The following ABCC2 variants were observed in gnomAD, a reference collection of about 807,000 sequenced individuals.
ABCC2 encodes ATP-binding cassette sub-family C member 2.
Under a neutral mutation model 173.4 loss-of-function variants are expected in ABCC2, and 157 were observed. The observed-to-expected ratio is 0.91, with a 90% confidence interval of 0.80 to 1.03. ABCC2 has a LOEUF of 1.03. ABCC2 is among the 50% of genes least tolerant of loss of function. The pLI, the probability that ABCC2 is intolerant of heterozygous loss-of-function variation, is 0.00. For missense variants in ABCC2, 1,822 were observed against 1,852.3 expected (o/e 0.98, Z 0.30); for synonymous variants, 657 against 693.5 (o/e 0.95, Z 0.83).
chr10:99,830,819 C>T lies in ABCC2; in HGVS notation c.2851C>T (p.Leu951=). The change falls in exon 21 of 32, where the codon CTA becomes TTA. Residue 951 remains leucine (L), a synonymous_variant. Coordinates refer to ENST00000647814, the MANE Select transcript of ABCC2 (RefSeq NM_000392.5). The stretch of plus-strand genomic sequence containing the variant: ...CGAAGAACTAGTGAAAGGACAAAAA[C>T]TAATTAAGAAGGAATTCATAGAAAC... The part of the protein sequence containing the change: ...EDEELVKGQK[L]IKKEFIETGK... 1 of 1,614,024 alleles carries T rather than the reference C, an allele frequency of 6.2e-7. No homozygotes were observed. The highest frequency in any genetic ancestry group is 8.5e-7 in the Non-Finnish European group (1 of 1,179,996).
intron 16 of ABCC2, among the ~76,000 whole-genome samples, chr10:99,815,812 A>G (rs2038397794): frequency 6.6e-6 from 1 of 152,168 alleles, no homozygotes; most frequent in Non-Finnish European, 1.5e-5. Context: ...GCAATCACTA[A>G]TGAACTAATC....
At chr10:99,845,196 AT>A (rs994717569) in intron 28 of ABCC2, among the ~76,000 whole-genome samples, 2 of 151,518 alleles carry the variant, frequency 1.3e-5, no homozygotes. Flanking sequence ...TGTCTGGCTA[AT>A]TTTTTTTGTA....
Position 99,814,345 on chromosome 10 carries a change from A to G in ABCC2, c.2094+1201A>G, listed in dbSNP as rs1288852934. ...CGTATGTATACACACATGTATATAT[A>G]CACACGTATGTATACACACATGTAT... On this transcript the variant is annotated intron_variant, in intron 16 of 31. Coordinates refer to ENST00000647814, the MANE Select transcript of ABCC2 (RefSeq NM_000392.5). Among the ~76,000 whole-genome samples the G allele has an allele frequency of 6.6e-5, 9 of 136,122 alleles. 1 individual carries two copies. The highest frequency in any genetic ancestry group is 2.1e-4 in the African/African-American group (8 of 37,542). The allele number at this position is 136,122 out of a possible 152,430, so 89.3% of individuals were successfully genotyped here.
At chr10:99,804,364 G>A in intron 10 of ABCC2, 91 bp downstream of exon 10, 2 of 1,546,120 alleles carry the variant, frequency 1.3e-6, no homozygotes, top group Non-Finnish European at 1.8e-6. Context: ...GGGAGTTTGG[G>A]CAAGGCAAAG....
chr10:99,817,754 G>A (rs1356735728), intron 17 of ABCC2, among the ~76,000 whole-genome samples: 4 of 152,220 alleles, frequency 2.6e-5, no homozygotes, highest in Non-Finnish European at 5.9e-5. Context: ...GAAGTTAACA[G>A]TGACTGGCCC....
intron 1 of ABCC2, among the ~76,000 whole-genome samples, chr10:99,783,187 T>G (rs894030158): frequency 2.0e-5 from 3 of 152,148 alleles, no homozygotes; most frequent in Admixed American, 6.5e-5. Flanking sequence ...GAAGGAGAAT[T>G]GTTGTTGCAT....
intron 9 of ABCC2, 81 bp from the exon 10 acceptor site, chr10:99,803,938 T>C (rs1251812203): frequency 1.9e-6 from 3 of 1,577,830 alleles, no homozygotes; most frequent in Non-Finnish European, 1.7e-6. Flanking sequence ...TCCATTGTAA[T>C]CTCACTTCCT....
rs143990242 is a variant in ABCC2, at chr10:99,844,366, C to G, written c.3888C>G (p.Ser1296Arg). 6.9e-5 allele frequency: 112 copies of G among 1,614,088 alleles called. No individual in the cohort carries two copies. Among genetic ancestry groups the G allele is most frequent in the African/African-American group, 1.5e-4 (11 of 74,910 alleles). Residue 1296 changes from serine to arginine, a missense_variant, in exon 28 of 32, where the codon AGC becomes AGG. Ser to Arg is a moderately radical substitution (Grantham distance 110, BLOSUM62 -1). Coordinates refer to ENST00000647814, the MANE Select transcript of ABCC2 (RefSeq NM_000392.5). ...TDKRPPPDWP[S>R]KGKIQFNNYQ... ...AGAGGCCTCCGCCAGATTGGCCCAG[C>G]AAAGGCAAGATCCAGTTTAACAACT...
At chr10:99,815,513 T>A (rs976028414) in intron 16 of ABCC2, among the ~76,000 whole-genome samples, 2 of 152,006 alleles carry the variant, frequency 1.3e-5, no homozygotes, top group African/African-American at 4.8e-5. Context: ...CTTTTTTTTT[T>A]AACGGAGGAA....
intron 19 of ABCC2, among the ~76,000 whole-genome samples, chr10:99,824,799 A>G (rs1304265148): frequency 2.6e-5 from 4 of 151,334 alleles, no homozygotes; most frequent in Admixed American, 2.0e-4. Context: ...GTCAGTTAAC[A>G]TACGCCATTT....
intron 1 of ABCC2, among the ~76,000 whole-genome samples, 170 bp from the exon 2 acceptor site, chr10:99,784,438 T>C (rs139495892): frequency 1.3e-5 from 2 of 152,314 alleles, no homozygotes; most frequent in East Asian, 3.9e-4. Context: ...CATTAAATGG[T>C]GAATTTGTAT....
At position 99,843,785 on chromosome 10, in the gene ABCC2, T is replaced by C. The variant is rs1321574421; in HGVS notation, c.3742-14T>C. On this transcript the variant is annotated splice_polypyrimidine_tract_variant and intron_variant, in intron 26 of 31. Transcript: ENST00000647814. ...GTGCCTATGATGATTTTCAGTCTTC[T>C]GGTTTTTCTGTAGATCACACAAACC... 6.2e-7 allele frequency: 1 copy of C among 1,609,362 alleles called. No individual in the cohort carries two copies. Among genetic ancestry groups the C allele is most frequent in the African/African-American group, 1.3e-5 (1 of 74,846 alleles).
chr10:99,814,140 TACAC>T (rs1289139110), intron 16 of ABCC2, among the ~76,000 whole-genome samples: 1 of 70,582 alleles, frequency 1.4e-5, no homozygotes, highest in Non-Finnish European at 2.9e-5. Flanking sequence ...TGTGTATATA[TACAC>T]ACATGTATGT....
chr10:99,830,917 T>C (rs2038727736), intron 21 of ABCC2, 66 bp downstream of exon 21: 1 of 1,590,996 alleles, frequency 6.3e-7, no homozygotes, highest in East Asian at 2.2e-5. Context: ...ATTTTTAACG[T>C]TCAGTGAAAA....
At chr10:99,812,488 A>G (rs2038232922) in intron 15 of ABCC2, among the ~76,000 whole-genome samples, 2 of 152,236 alleles carry the variant, frequency 1.3e-5, no homozygotes, top group African/African-American at 4.8e-5. Flanking sequence ...AGATACAGTC[A>G]AATATTTAGG....
intron 10 of ABCC2, 94 bp from the exon 11 acceptor site, chr10:99,805,288 C>A: frequency 1.8e-6 from 2 of 1,123,104 alleles, no homozygotes; most frequent in Non-Finnish European, 2.7e-6. Flanking sequence ...TAAGTGACAG[C>A]CACAAAGTAG....
chr10:99,831,730 T>C lies in ABCC2; in HGVS notation c.3003T>C (p.Ser1001=). The C allele has an allele frequency of 6.2e-7, 1 of 1,614,168 alleles. No individual in the cohort carries two copies. The highest frequency in any genetic ancestry group is 8.5e-7 in the Non-Finnish European group (1 of 1,179,990). ...VAFIGSNLWL[S]AWTSDSKIFN... ...TTATTGGATCCAACCTCTGGCTCAG[T>C]GCTTGGACCAGTGACTCTAAAATCT... The change falls in exon 22 of 32, where the codon AGT becomes AGC. Residue 1001 remains serine, a synonymous_variant. Transcript: ENST00000647814.
At chr10:99,826,158 C>T (rs1208160962) in intron 19 of ABCC2, among the ~76,000 whole-genome samples, 2 of 152,190 alleles carry the variant, frequency 1.3e-5, no homozygotes, top group Non-Finnish European at 2.9e-5. Flanking sequence ...TTTTAAGTGA[C>T]CAATTTGACC....
chr10:99,819,421 C>A, intron 19 of ABCC2, 152 bp downstream of exon 19: 1 of 807,130 alleles, frequency 1.2e-6, no homozygotes, highest in Non-Finnish European at 2.0e-6. Flanking sequence ...TTCTGTGTCT[C>A]TTTGAGGAAA....
Sources: allele counts gnomAD v4.1 joint callset (sites outside exome capture counted in the v4.1 genomes callset), GRCh38; gene constraint gnomAD v4.1.1; transcripts MANE v1.5; gene names NCBI Gene and HGNC (gene_info 2026-07-23, HGNC 2026-07-21).